Variants in GPC5 observed in about 807,000 individuals in gnomAD.
GPC5 encodes the protein glypican 5, also known as glypican-5.
Under a neutral mutation model 53.9 loss-of-function variants are expected in GPC5, and 47 were observed. The ratio of observed to expected loss-of-function variants is 0.87; its 90% CI spans 0.69 to 1.11. The LOEUF is 1.11. GPC5 is among the 50% of genes most tolerant of loss of function. GPC5 has a pLI of 0.00. For missense variants in GPC5, 748 were observed against 713.1 expected (o/e 1.05, Z -0.56); for synonymous variants, 286 against 263.3 (o/e 1.09, Z -0.84).
intron 6 of GPC5, among the ~76,000 whole-genome samples, chr13:92,049,107 G>T (rs866283579): frequency 9.2e-5 from 14 of 152,258 alleles, no homozygotes; most frequent in Middle Eastern, 3.4e-3. Flanking sequence ...AAAAGTCACG[G>T]AGGGATAGCT....
At chr13:91,623,019 G>C (rs1434130364) in intron 2 of GPC5, among the ~76,000 whole-genome samples, 1 of 152,050 alleles carries the variant, frequency 6.6e-6, no homozygotes, top group South Asian at 2.1e-4. Flanking sequence ...TGGATCAGAG[G>C]CCTCAAGATA....
At chr13:91,883,330 G>T (rs1434058234) in intron 5 of GPC5, among the ~76,000 whole-genome samples, 1 of 152,190 alleles carries the variant, frequency 6.6e-6, no homozygotes, top group African/African-American at 2.4e-5. Flanking sequence ...AGAATTACTT[G>T]TCATACTCTA....
At chr13:91,505,144 A>G (rs1884875815) in intron 2 of GPC5, among the ~76,000 whole-genome samples, 1 of 152,212 alleles carries the variant, frequency 6.6e-6, no homozygotes, top group Non-Finnish European at 1.5e-5. Context: ...TCAAAACAGA[A>G]CAAATAATCC....
intron 7 of GPC5, among the ~76,000 whole-genome samples, chr13:92,676,802 T>C (rs1055274866): frequency 6.6e-6 from 1 of 152,144 alleles, no homozygotes; most frequent in Non-Finnish European, 1.5e-5. Flanking sequence ...GTACCGAACA[T>C]GGTCAAGTTA....
chr13:92,245,678 TAC>T (rs2042645191), intron 7 of GPC5, among the ~76,000 whole-genome samples: 1 of 152,148 alleles, frequency 6.6e-6, no homozygotes, highest in African/African-American at 2.4e-5. Context: ...TTGACATAGA[TAC>T]ACAGATTTAG....
At chr13:91,408,035 C>T (rs556692156) in intron 1 of GPC5, among the ~76,000 whole-genome samples, 2 of 152,150 alleles carry the variant, frequency 1.3e-5, no homozygotes, top group African/African-American at 4.8e-5. Context: ...CATTACCTCA[C>T]CTAGTTACCA....
chr13:92,006,332 C>T (rs1295599522), intron 6 of GPC5, among the ~76,000 whole-genome samples: 1 of 152,090 alleles, frequency 6.6e-6, no homozygotes. Context: ...TTCCTAAAAC[C>T]ATTTCTGTGA....
At chr13:92,636,650 G>A (rs1237485806) in intron 7 of GPC5, among the ~76,000 whole-genome samples, 1 of 151,906 alleles carries the variant, frequency 6.6e-6, no homozygotes, top group Non-Finnish European at 1.5e-5. Context: ...TACAACCATT[G>A]TCCGTAATTT....
chr13:92,008,923 AAT>A (rs2040635489), intron 6 of GPC5, among the ~76,000 whole-genome samples: 1 of 152,120 alleles, frequency 6.6e-6, no homozygotes, highest in African/African-American at 2.4e-5. Context: ...CAAATTCACC[AAT>A]CTTTCCTTCC....
At chr13:91,527,189 CA>C (rs1312477750) in intron 2 of GPC5, among the ~76,000 whole-genome samples, 2 of 152,140 alleles carry the variant, frequency 1.3e-5, no homozygotes, top group African/African-American at 4.8e-5. Flanking sequence ...TCATCTTAGA[CA>C]AAACAACTCC....
intron 2 of GPC5, among the ~76,000 whole-genome samples, chr13:91,638,713 T>C (rs1447818267): frequency 6.6e-6 from 1 of 152,174 alleles, no homozygotes; most frequent in East Asian, 1.9e-4. Context: ...AATGTAGAAC[T>C]CTAAGTTGAG....
intron 7 of GPC5, among the ~76,000 whole-genome samples, chr13:92,731,727 G>A (rs1888811373): frequency 6.6e-6 from 1 of 151,202 alleles, no homozygotes; most frequent in Non-Finnish European, 1.5e-5. Context: ...AATCCAAAGA[G>A]GAATATTTTA....
intron 7 of GPC5, among the ~76,000 whole-genome samples, chr13:92,841,937 A>C (rs1878443743): frequency 6.6e-6 from 1 of 152,038 alleles, no homozygotes. Flanking sequence ...AGCATGATTT[A>C]GAGATTTGAT....
chr13:92,560,621 A>T (rs529300313), intron 7 of GPC5, among the ~76,000 whole-genome samples: 4 of 152,108 alleles, frequency 2.6e-5, no homozygotes, highest in South Asian at 2.1e-4. Flanking sequence ...CTCATAGATG[A>T]GACTCCATAC....
At chr13:92,135,348 A>G (rs2041775464) in intron 6 of GPC5, among the ~76,000 whole-genome samples, 1 of 152,122 alleles carries the variant, frequency 6.6e-6, no homozygotes, top group Non-Finnish European at 1.5e-5. Flanking sequence ...GATTTTTCTG[A>G]GTCCTACTTG....
At chr13:92,445,927 G>A (rs1323485418) in intron 7 of GPC5, among the ~76,000 whole-genome samples, 6 of 151,954 alleles carry the variant, frequency 3.9e-5, no homozygotes, top group African/African-American at 9.7e-5. Flanking sequence ...ACTGTGCCAG[G>A]CAGTATCATT....
chr13:91,406,974 T>C (rs1877372589), intron 1 of GPC5, among the ~76,000 whole-genome samples: 1 of 152,232 alleles, frequency 6.6e-6, no homozygotes, highest in African/African-American at 2.4e-5. Flanking sequence ...TTTAAATATA[T>C]TTCTTTCTTT....
At chr13:91,865,784 A>C (rs2039076759) in intron 5 of GPC5, among the ~76,000 whole-genome samples, 1 of 150,022 alleles carries the variant, frequency 6.7e-6, no homozygotes, top group Non-Finnish European at 1.5e-5. Flanking sequence ...GCTTCTCCCT[A>C]CCTCCTCTTG....
chr13:92,290,844 C>G lies in GPC5; in HGVS notation c.1561+145855C>G, dbSNP rs116585238. ...CTGTGAGAGCCCCTTTTTGGGTTGG[C>G]CAGGGCTGGAGCTGGCTCCCTTAGC... On this transcript the variant is annotated intron_variant, in intron 7 of 7. Coordinates refer to ENST00000377067, the MANE Select transcript of GPC5 (RefSeq NM_004466.6). Among the ~76,000 whole-genome samples, 667 of 152,276 alleles carry G rather than the reference C, an allele frequency of 4.4e-3. 6 individuals are homozygous for G. The highest frequency in any genetic ancestry group is 0.014 in the African/African-American group (584 of 41,560).
Sources: gnomAD v4.1 joint callset for allele counts (sites outside exome capture counted in the v4.1 genomes callset) on GRCh38, gnomAD v4.1.1 for gene constraint, MANE v1.5 for transcripts, NCBI Gene and HGNC (gene_info 2026-07-23, HGNC 2026-07-21) for gene names.